KDM5A: variants seen among roughly 807,000 people sequenced by gnomAD.
KDM5A encodes the protein lysine-specific demethylase 5A.
A neutral mutation model predicts 193.5 loss-of-function variants in KDM5A; 42 were observed. The ratio of observed to expected loss-of-function variants is 0.22; its 90% confidence interval spans 0.17 to 0.28. The LOEUF is 0.28. KDM5A is among the 10% of genes least tolerant of loss of function. The probability of loss-of-function intolerance (pLI) is 1.00; values close to 1 mark genes in which losing one functional copy is unlikely to be tolerated. For synonymous variants in KDM5A, 796 were observed against 718.1 expected, an observed-to-expected ratio of 1.11 and a Z score of -1.73; for missense variants, 1,692 against 2,055.1, an observed-to-expected ratio of 0.82 and a Z score of 3.42.
Position 309,952 on chromosome 12 carries a change from G to A in KDM5A, c.3229C>T (p.Arg1077Trp), listed in dbSNP as rs749749464. Residue 1077 changes from arginine to tryptophan, a missense_variant, in exon 22 of 28, where the codon CGG becomes TGG. Physicochemically the swap from Arg to Trp is moderately radical, Grantham distance 101 (BLOSUM62 -3). Around this residue, in one of 11 missense-constraint regions of KDM5A, gnomAD observed 965 missense variants for 1,061.0 expected, o/e 0.91. Coordinates refer to ENST00000399788, the MANE Select transcript of KDM5A (RefSeq NM_001042603.3). ...SHTLLQVLSP[R>W]TDIGVYGSGK... ...CTCCCATATACACCAATGTCGGTCC[G>A]GGGGCTCAGCACCTACAAAAATAAA... The A allele has an allele frequency of 2.5e-6, 4 of 1,612,844 alleles. No individual in the cohort carries two copies. The highest frequency in any genetic ancestry group is 3.4e-6 in the Non-Finnish European group (4 of 1,179,664).
Position 285,518 on chromosome 12 carries a change from G to T in KDM5A, c.5011C>A (p.Pro1671Thr), listed in dbSNP as rs758258839. 5 of 1,613,934 alleles carry T rather than the reference G, an allele frequency of 3.1e-6. No individual in the cohort carries two copies. The Admixed American group carries it at 5.0e-5, about 16-fold the overall frequency. The change falls in exon 28 of 28, where the codon CCA becomes ACA. Residue 1671 changes from proline (P) to threonine (T), a missense_variant. Pro to Thr is a conservative substitution (Grantham distance 38). This residue lies in a region of KDM5A where 41 missense variants were observed against 36.3 expected (regional missense o/e 1.13). Coordinates refer to ENST00000399788, the MANE Select transcript of KDM5A (RefSeq NM_001042603.3). ...TAGCTCATTATGAAGGAAGGAGGTGGTGCTGGACCTGGGCTAACTGGCCCC... is the reference window on the plus strand; with the variant it reads ...TAGCTCATTATGAAGGAAGGAGGTGTTGCTGGACCTGGGCTAACTGGCCCC... Reference protein sequence around the residue: ...KQGPVSPGPAPPPSFIMSYKL... With the variant: ...KQGPVSPGPATPPSFIMSYKL...
rs757121329 is a variant in KDM5A, at chr12:334,417, A to G, written c.1314T>C (p.Tyr438=). ...RRKILPEEEE[Y]ALSGWNLNNM... ...TATTCAAATTCCAACCAGAAAGTGC[A>G]TATTCCTATAAGAGAAGAAAAAACT... Residue 438 remains tyrosine, a synonymous_variant, in exon 11 of 28, where the codon TAT becomes TAC. Transcript: ENST00000399788. The G allele has an allele frequency of 5.6e-6, 9 of 1,612,730 alleles. No individual in the cohort carries two copies. In the Admixed American group the frequency reaches 1.5e-4, roughly 27 times the overall value.
intron 10 of KDM5A, among the ~76,000 whole-genome samples, chr12:347,655 A>C (rs926966727): frequency 1.3e-5 from 2 of 152,228 alleles, no homozygotes; most frequent in Non-Finnish European, 2.9e-5. Flanking sequence ...AAAAACAAGA[A>C]ATGGGGAAAG....
chr12:312,333 T>G (rs1943597997), intron 20 of KDM5A, among the ~76,000 whole-genome samples: 1 of 152,216 alleles, frequency 6.6e-6, no homozygotes, highest in African/African-American at 2.4e-5. Flanking sequence ...ACCCTTCCCT[T>G]ACATGCCTGC....
chr12:312,938 T>A lies in KDM5A; in HGVS notation c.3036+118A>T. ...ATAAAGTCTAAAAATCACAAATCGA[T>A]CTAAGTTAGGGATCGTTTGTATTAT... On this transcript the variant is annotated intron_variant, in intron 20 of 27. Transcript: ENST00000399788. 4 of 1,154,896 alleles carry A rather than the reference T, an allele frequency of 3.5e-6. No individual in the cohort carries two copies. In the South Asian group the frequency reaches 5.1e-5, roughly 15 times the overall value. The allele number at this position is 1,154,896 out of a possible 1,614,324, so 71.5% of individuals were successfully genotyped here.
At chr12:336,273 C>T (rs988681828) in intron 10 of KDM5A, among the ~76,000 whole-genome samples, 1 of 150,676 alleles carries the variant, frequency 6.6e-6, no homozygotes, top group African/African-American at 2.4e-5. Context: ...GTGGGAGGAT[C>T]CCGTGAGCCC....
intron 6 of KDM5A, among the ~76,000 whole-genome samples, chr12:356,095 T>C (rs999104614): frequency 1.3e-5 from 2 of 152,232 alleles, no homozygotes; most frequent in Admixed American, 1.3e-4. Flanking sequence ...ATGTCGATAC[T>C]AAGAGTTACA....
At chr12:297,011 G>A (rs1411228945) in intron 25 of KDM5A, 30 bp downstream of exon 25, 1 of 1,609,018 alleles carries the variant, frequency 6.2e-7, no homozygotes, top group South Asian at 1.1e-5. Context: ...TTCTGCTTAT[G>A]TTCCCCACAG....
intron 5 of KDM5A, among the ~76,000 whole-genome samples, chr12:357,903 T>C (rs1944247204): frequency 7.3e-6 from 1 of 137,868 alleles, no homozygotes; most frequent in Non-Finnish European, 1.5e-5. Flanking sequence ...CTCCGTCTGG[T>C]GAAAACATGG....
chr12:331,727 C>T, intron 13 of KDM5A, 92 bp downstream of exon 13: 2 of 1,462,406 alleles, frequency 1.4e-6, no homozygotes, highest in Non-Finnish European at 1.9e-6. Context: ...GAACCCGACC[C>T]TGAGCCCAGC....
At chr12:297,926 G>A (rs938446788) in intron 24 of KDM5A, among the ~76,000 whole-genome samples, 1 of 152,170 alleles carries the variant, frequency 6.6e-6, no homozygotes, top group Admixed American at 6.5e-5. Flanking sequence ...CAAGACAAAA[G>A]AGAGTGTTAA....
intron 14 of KDM5A, among the ~76,000 whole-genome samples, chr12:327,392 T>C (rs1334600096): frequency 6.6e-6 from 1 of 152,154 alleles, no homozygotes; most frequent in African/African-American, 2.4e-5. Flanking sequence ...TAAATAAATA[T>C]ATAATCAAAA....
At chr12:352,781 T>C (rs768168149) in intron 8 of KDM5A, among the ~76,000 whole-genome samples, 2 of 152,236 alleles carry the variant, frequency 1.3e-5, no homozygotes, top group Non-Finnish European at 2.9e-5. Context: ...CCAATCACTA[T>C]GACCAATGTC....
At chr12:317,680 G>C (rs548653940) in intron 19 of KDM5A, among the ~76,000 whole-genome samples, 1 of 152,164 alleles carries the variant, frequency 6.6e-6, no homozygotes, top group African/African-American at 2.4e-5. Context: ...ACCAGTTGTC[G>C]GAGCCAGACC....
rs201038084 is a variant in KDM5A at position 386,013 on chromosome 12, G to C, written c.166-39C>G. On this transcript the variant is annotated intron_variant, in intron 1 of 27. Coordinates refer to ENST00000399788, the MANE Select transcript of KDM5A (RefSeq NM_001042603.3). ...TTTTTTTAAAAAAACACAGTGGTAT[G>C]TAAACAAGGAATGCATTAATTATTC... 261 of 1,501,056 alleles carry C rather than the reference G, an allele frequency of 1.7e-4. No individual in the cohort carries two copies. The Admixed American group carries it at 2.3e-3, about 13-fold the overall frequency. 93.0% of individuals were successfully genotyped at this position (1,501,056 alleles called of 1,614,324 possible). A position where few individuals can be genotyped will look rare whatever the true frequency, so the allele number is the denominator to read the frequency against.
intron 3 of KDM5A, among the ~76,000 whole-genome samples, chr12:377,954 C>T (rs746188288): frequency 6.6e-6 from 1 of 152,222 alleles, no homozygotes; most frequent in East Asian, 1.9e-4. Flanking sequence ...TATACTTCTA[C>T]TGGAAAGTTT....
At chr12:377,372 A>C (rs928702080) in intron 3 of KDM5A, among the ~76,000 whole-genome samples, 1 of 152,208 alleles carries the variant, frequency 6.6e-6, no homozygotes, top group African/African-American at 2.4e-5. Context: ...ATGAGTTATC[A>C]GATTAGAAAG....
chr12:318,053 T>C, intron 19 of KDM5A, 53 bp downstream of exon 19: 1 of 1,321,972 alleles, frequency 7.6e-7, no homozygotes, highest in Non-Finnish European at 1.1e-6. Context: ...TTCTTCCCAC[T>C]CTACCTTCTG....
At position 318,210 on chromosome 12, in the gene KDM5A, C is replaced by T; in HGVS notation, c.2793G>A (p.Gly931=). 2 of 1,614,156 alleles carry T rather than the reference C, an allele frequency of 1.2e-6. No individual in the cohort carries two copies. The highest frequency in any genetic ancestry group is 1.1e-5 in the South Asian group (1 of 91,086). ...TCTCCACAGCATGGTGGGGTGCCAA[C>T]CCTACCCCAGAGTCTATCAGCTTCT... ...VMKKLIDSGV[G]LAPHHAVEKA... Residue 931 remains glycine, a synonymous_variant, in exon 19 of 28, where the codon GGG becomes GGA. Coordinates refer to ENST00000399788, the MANE Select transcript of KDM5A (RefSeq NM_001042603.3).
Sources: gnomAD v4.1 joint callset for allele counts (sites outside exome capture counted in the v4.1 genomes callset) on GRCh38, gnomAD v4.1.1 for gene constraint, gnomAD v4.1.1 regional missense constraint, MANE v1.5 for transcripts, NCBI Gene and HGNC (gene_info 2026-07-23, HGNC 2026-07-21) for gene names.